The following SH2D6 variants were observed in gnomAD, a reference collection of about 807,000 sequenced individuals.
The protein encoded by SH2D6 is SH2 domain-containing protein 6.
Under a neutral mutation model 30.2 loss-of-function variants are expected in SH2D6, and 31 were observed. That is an observed-to-expected ratio of 1.03 (90% CI 0.77 to 1.38). The LOEUF is 1.38. SH2D6 is among the 40% of genes most tolerant of loss of function. The pLI is 0.00. For missense variants in SH2D6, 240 were observed against 266.8 expected (o/e 0.90, Z 0.70); for synonymous variants, 93 against 104.6 (o/e 0.89, Z 0.68).
At chr2:85,435,863 C>T in intron 22 of SH2D6, 39 bp downstream of exon 22, 1 of 1,526,530 alleles carries the variant, frequency 6.6e-7, no homozygotes, top group Non-Finnish European at 8.8e-7. Flanking sequence ...GGAGGGACCA[C>T]AGAGCAGTAC....
intron 6 of SH2D6, among the ~76,000 whole-genome samples, chr2:85,428,236 C>T (rs890082588): frequency 5.3e-5 from 8 of 151,792 alleles, no homozygotes; most frequent in Non-Finnish European, 1.0e-4. Context: ...CTAATTCCAT[C>T]GTAGGAAAGT....
intron 5 of SH2D6, among the ~76,000 whole-genome samples, chr2:85,424,579 A>T (rs1296494954): frequency 1.3e-5 from 2 of 151,868 alleles, no homozygotes; most frequent in African/African-American, 4.8e-5. Flanking sequence ...GCAAGACCTC[A>T]TGTCTACAAA....
chr2:85,427,926 G>A (rs1209675490), intron 6 of SH2D6, among the ~76,000 whole-genome samples: 1 of 151,984 alleles, frequency 6.6e-6, no homozygotes, highest in African/African-American at 2.4e-5. Context: ...CCCCAGCCTG[G>A]TGGCCCCCAA....
intron 5 of SH2D6, among the ~76,000 whole-genome samples, chr2:85,423,533 A>T (rs1687830130): frequency 6.6e-6 from 1 of 152,172 alleles, no homozygotes; most frequent in African/African-American, 2.4e-5. Context: ...GCACCTGGCC[A>T]ACAAACTACA....
Position 85,432,418 on chromosome 2 carries a change from T to C in SH2D6, c.370+459T>C, listed in dbSNP as rs186273402. On this transcript the variant is annotated intron_variant, in intron 14 of 23. Coordinates refer to ENST00000469800, the MANE Select transcript of SH2D6 (RefSeq NM_001394463.1). ...TGTTTTGTTTTGTTTTGTTTTTTTT[T>C]TGAGACGGAGTCTTGCTGTCGCCCA... Among the ~76,000 whole-genome samples, 3 of 151,780 alleles carry C rather than the reference T, an allele frequency of 2.0e-5. No homozygotes were observed. The East Asian group carries it at 5.8e-4, about 29-fold the overall frequency.
chr2:85,434,670 G>A, intron 19 of SH2D6, 173 bp downstream of exon 19: 5 of 1,317,788 alleles, frequency 3.8e-6, no homozygotes, highest in Admixed American at 5.4e-5. Context: ...CATGAATGCA[G>A]GTGGTCCTGC....
intron 21 of SH2D6, 39 bp downstream of exon 21, chr2:85,435,535 T>G: frequency 6.2e-7 from 1 of 1,605,134 alleles, no homozygotes; most frequent in Non-Finnish European, 8.5e-7. Context: ...CCAAAACCCC[T>G]TTTGCTCACA....
At chr2:85,431,459 TCGCCTGGCCTGGTC>T (rs1688635697) in intron 13 of SH2D6, among the ~76,000 whole-genome samples, 191 bp downstream of exon 13, 1 of 152,110 alleles carries the variant, frequency 6.6e-6, no homozygotes, top group African/African-American at 2.4e-5. Context: ...CTCCTCCAAC[TCGCCTGGCCTGGTC>T]CTTCCAGCCT....
intron 5 of SH2D6, 25 bp from the exon 6 acceptor site, chr2:85,425,283 A>T (rs1237563388): frequency 4.0e-5 from 4 of 101,118 alleles, no homozygotes; most frequent in Admixed American, 1.2e-4. Flanking sequence ...TTTTTTTGAG[A>T]CTGTGTTTCA....
At chr2:85,435,015 A>ACCCC in intron 19 of SH2D6, 50 bp from the exon 20 acceptor site, 1 of 589,506 alleles carries the variant, frequency 1.7e-6, no homozygotes, top group South Asian at 2.6e-5. Context: ...ACCTTTGCCC[A>ACCCC]CCCCCACCCC....
chr2:85,426,501 G>A (rs1688062262), intron 6 of SH2D6, among the ~76,000 whole-genome samples: 1 of 152,082 alleles, frequency 6.6e-6, no homozygotes, highest in Non-Finnish European at 1.5e-5. Context: ...AGAGGGTCCT[G>A]CCCCATACTC....
intron 13 of SH2D6, among the ~76,000 whole-genome samples, 180 bp from the exon 14 acceptor site, chr2:85,431,719 A>G (rs1688670546): frequency 6.6e-6 from 1 of 152,250 alleles, no homozygotes; most frequent in African/African-American, 2.4e-5. Context: ...ATTTTTGTAA[A>G]AAGCAGGGAG....
chr2:85,433,011 G>A (rs1351821598), intron 14 of SH2D6, 88 bp from the exon 15 acceptor site: 1 of 979,438 alleles, frequency 1.0e-6, no homozygotes, highest in Non-Finnish European at 1.2e-6. Flanking sequence ...GCACCCTAAG[G>A]AGACTCTGCT....
At chr2:85,432,409 G>GTT (rs931733200) in intron 14 of SH2D6, among the ~76,000 whole-genome samples, 3 of 145,868 alleles carry the variant, frequency 2.1e-5, no homozygotes, top group African/African-American at 7.6e-5. Context: ...GTTTTGTTTT[G>GTT]TTTTTTTTTT....
intron 14 of SH2D6, among the ~76,000 whole-genome samples, chr2:85,432,438 C>G (rs540890302): frequency 6.7e-6 from 1 of 149,890 alleles, no homozygotes; most frequent in African/African-American, 2.5e-5. Flanking sequence ...GTCTTGCTGT[C>G]GCCCAGGCTG....
At position 85,435,515 on chromosome 2, in the gene SH2D6, C is replaced by T. The variant is rs752896449; in HGVS notation, c.732+19C>T. On this transcript the variant is annotated intron_variant, in intron 21 of 23. Transcript: ENST00000469800. ...ACAAAAGGTGGGCAGCCACGGACCCCGGGTCTTCTCCAAAACCCCTTTTGC... is the reference window on the plus strand; with the variant it reads ...ACAAAAGGTGGGCAGCCACGGACCCTGGGTCTTCTCCAAAACCCCTTTTGC... 14 of 1,610,892 alleles carry T rather than the reference C, an allele frequency of 8.7e-6. No homozygotes were observed. The highest frequency in any genetic ancestry group is 2.2e-5 in the East Asian group (1 of 44,888).
chr2:85,431,418 T>G (rs1213037182), intron 13 of SH2D6, 150 bp downstream of exon 13: 1 of 152,166 alleles, frequency 6.6e-6, no homozygotes, highest in Non-Finnish European at 1.5e-5. Flanking sequence ...GCCAGATGCA[T>G]GAGAAGCCAG....
At chr2:85,423,189 G>GT (rs1171994386) in intron 5 of SH2D6, among the ~76,000 whole-genome samples, 1 of 145,086 alleles carries the variant, frequency 6.9e-6, no homozygotes, top group African/African-American at 2.5e-5. Context: ...CACCCGGCCT[G>GT]TTTTTTTTTT....
chr2:85,426,125 A>G (rs1688031992), intron 6 of SH2D6, among the ~76,000 whole-genome samples: 1 of 151,518 alleles, frequency 6.6e-6, no homozygotes. Context: ...CACCTCTGAG[A>G]CCTCTGACCA....
Sources: gnomAD v4.1 joint callset for allele counts (sites outside exome capture counted in the v4.1 genomes callset) on GRCh38, gnomAD v4.1.1 for gene constraint, MANE v1.5 for transcripts, NCBI Gene and HGNC (gene_info 2026-07-23, HGNC 2026-07-21) for gene names.